SMAD4: variants seen among roughly 807,000 people sequenced by gnomAD.
The protein encoded by SMAD4 is MAD homolog 4.
SMAD4 carries 7 observed loss-of-function variants against 63.2 expected under a neutral mutation model. The observed-to-expected ratio is 0.11, with a 90% CI of 0.06 to 0.21. The LOEUF (loss-of-function observed/expected upper bound fraction) is 0.21, where lower values mean the gene tolerates loss of function less well. SMAD4 is among the 10% of genes least tolerant of loss of function. SMAD4 has a pLI of 1.00. For synonymous variants in SMAD4, 215 were observed against 235.4 expected (o/e 0.91, Z 0.79); for missense variants, 312 against 693.8 (o/e 0.45, Z 6.18).
rs190043300 is a variant in SMAD4, at chr18:51,072,254, C to T, written c.1309-4384C>T. Among the ~76,000 whole-genome samples the T allele has an allele frequency of 1.4e-4, 21 of 152,284 alleles. 1 individual carries two copies. In the East Asian group the frequency reaches 3.9e-3, roughly 28 times the overall value. On this transcript the variant is annotated intron_variant, in intron 10 of 11. Coordinates refer to ENST00000342988, the MANE Select transcript of SMAD4 (RefSeq NM_005359.6). ...CAATTTCTCTACATTCTCATCAGTA[C>T]TTGTTATCTGTCTTTTTTATTTTAG...
rs1417299090 is a variant in SMAD4, at chr18:51,073,388, T to TATATATATATACAC, written c.1309-3249_1309-3248insTATATATATACACA. On this transcript the variant is annotated intron_variant, in intron 10 of 11. Coordinates refer to ENST00000342988, the MANE Select transcript of SMAD4 (RefSeq NM_005359.6). ...ATATATATATATATATATATATATA[T>TATATATATATACAC]ACACACACACACACACACACACACA... is the stretch of plus-strand genomic sequence containing the variant. Among the ~76,000 whole-genome samples the TATATATATATACAC allele has an allele frequency of 9.8e-4, 63 of 64,144 alleles. 1 individual carries two copies. The highest frequency in any genetic ancestry group is 2.3e-3 in the African/African-American group (30 of 13,086). The allele number at this position is 64,144 out of a possible 152,430, so 42.1% of individuals were successfully genotyped here.
At chr18:51,055,436 A>T (rs1909817325) in intron 5 of SMAD4, among the ~76,000 whole-genome samples, 2 of 152,104 alleles carry the variant, frequency 1.3e-5, no homozygotes, top group Admixed American at 6.5e-5. Context: ...AGGGATCTTG[A>T]CAAATTTGTT....
intron 5 of SMAD4, among the ~76,000 whole-genome samples, chr18:51,057,346 G>A (rs769680728): frequency 2.0e-5 from 3 of 152,004 alleles, no homozygotes; most frequent in Non-Finnish European, 2.9e-5. Context: ...AAAAATGTAG[G>A]ACAGTAAGCA....
intron 10 of SMAD4, among the ~76,000 whole-genome samples, chr18:51,068,312 TCTTTAATGTGTTTCTCCCCCAA>T (rs1206661679): frequency 6.6e-6 from 1 of 152,228 alleles, no homozygotes; most frequent in African/African-American, 2.4e-5. Flanking sequence ...ACTTTACCAA[TCTTTAATGTGTTTCTCCCCCAA>T]CTTTTTTTTC....
chr18:51,076,603 A>G (rs763085683), intron 10 of SMAD4, 35 bp from the exon 11 acceptor site: 2 of 1,601,250 alleles, frequency 1.2e-6, no homozygotes, highest in East Asian at 2.2e-5. Flanking sequence ...ATTTTTCTTT[A>G]TGAACTCATA....
chr18:51,033,187 T>A (rs1326821028), intron 1 of SMAD4, among the ~76,000 whole-genome samples: 2 of 57,924 alleles, frequency 3.5e-5, no homozygotes, highest in African/African-American at 5.3e-5. Context: ...TAACACAGCA[T>A]TTTTTTTTTT....
chr18:51,042,301 T>C (rs12956118), intron 1 of SMAD4, among the ~76,000 whole-genome samples: 2,452 of 60,154 alleles, frequency 0.041, 83 homozygotes, highest in East Asian at 0.1. Context: ...CCCTCCCTCC[T>C]TCCCTCCCTC....
At chr18:51,044,025 T>C (rs1305971526) in intron 1 of SMAD4, among the ~76,000 whole-genome samples, 1 of 152,238 alleles carries the variant, frequency 6.6e-6, no homozygotes, top group Admixed American at 6.5e-5. Flanking sequence ...GGCAACAATG[T>C]GAGACAGATA....
chr18:51,041,420 G>A (rs1444905276), intron 1 of SMAD4, among the ~76,000 whole-genome samples: 1 of 152,188 alleles, frequency 6.6e-6, no homozygotes, highest in Non-Finnish European at 1.5e-5. Context: ...GCATGGCCCA[G>A]AGTTTCTTGC....
intron 11 of SMAD4, 101 bp downstream of exon 11, chr18:51,076,877 GT>G (rs1047173306): frequency 7.3e-5 from 64 of 881,202 alleles, no homozygotes; most frequent in Non-Finnish European, 8.9e-5. Context: ...AGAAATTAAA[GT>G]TTTTTTTTAC....
chr18:51,059,699 T>G (rs1909952952), intron 7 of SMAD4, among the ~76,000 whole-genome samples, 167 bp from the exon 8 acceptor site: 1 of 152,248 alleles, frequency 6.6e-6, no homozygotes, highest in Admixed American at 6.5e-5. Context: ...ATTAATAGTT[T>G]AAGACTATTT....
intron 1 of SMAD4, among the ~76,000 whole-genome samples, chr18:51,039,528 T>C (rs1055158344): frequency 8.7e-5 from 8 of 91,922 alleles, no homozygotes; most frequent in Non-Finnish European, 1.6e-4. Context: ...CCATCGGAAG[T>C]GCTAGAGCTA....
intron 2 of SMAD4, among the ~76,000 whole-genome samples, chr18:51,047,745 A>G (rs1282245365): frequency 6.6e-6 from 1 of 152,024 alleles, no homozygotes; most frequent in Non-Finnish European, 1.5e-5. Flanking sequence ...AGTAGCTGGG[A>G]CTACAGGCAA....
At chr18:51,066,067 T>G (rs930717634) in intron 9 of SMAD4, among the ~76,000 whole-genome samples, 8 of 152,116 alleles carry the variant, frequency 5.3e-5, no homozygotes, top group African/African-American at 1.9e-4. Flanking sequence ...GTTTATATAA[T>G]GAGGCTGGGT....
chr18:51,047,353 A>G (rs2144402358), intron 2 of SMAD4, 58 bp downstream of exon 2: 6 of 1,515,562 alleles, frequency 4.0e-6, no homozygotes, highest in Admixed American at 1.7e-5. Flanking sequence ...AAAACTTGCT[A>G]CGTTTCCTTT....
chr18:51,041,335 A>G (rs757921939), intron 1 of SMAD4, among the ~76,000 whole-genome samples: 1 of 152,136 alleles, frequency 6.6e-6, no homozygotes, highest in Non-Finnish European at 1.5e-5. Context: ...TATTCTACCA[A>G]TATTCTGATG....
At chr18:51,073,368 T>TATATATAC (rs1910370379) in intron 10 of SMAD4, among the ~76,000 whole-genome samples, 1 of 70,552 alleles carries the variant, frequency 1.4e-5, no homozygotes, top group Non-Finnish European at 2.7e-5. Flanking sequence ...ACATTATATA[T>TATATATAC]ATATATATAT....
intron 1 of SMAD4, among the ~76,000 whole-genome samples, chr18:51,041,853 G>A (rs79403623): frequency 0.02 from 2,978 of 152,270 alleles, 100 homozygotes; most frequent in African/African-American, 0.065. Flanking sequence ...CTGATCTTTT[G>A]GGGGTTGGTT....
intron 7 of SMAD4, 143 bp downstream of exon 7, chr18:51,058,599 A>G (rs1909911264): frequency 5.9e-6 from 4 of 673,258 alleles, no homozygotes; most frequent in Non-Finnish European, 1.0e-5. Flanking sequence ...TATTTTTTGT[A>G]AACAGTATTA....
Sources: allele counts gnomAD v4.1 joint callset (sites outside exome capture counted in the v4.1 genomes callset), GRCh38; gene constraint gnomAD v4.1.1; transcripts MANE v1.5; gene names NCBI Gene and HGNC (gene_info 2026-07-23, HGNC 2026-07-21).